SNTG2: variants seen among roughly 807,000 people sequenced by gnomAD.
SNTG2 encodes gamma-2-syntrophin.
In SNTG2, 74 loss-of-function variants were observed where a neutral mutation model predicts 70.9. That is an observed-to-expected ratio of 1.04 (90% CI 0.86 to 1.27). The LOEUF (loss-of-function observed/expected upper bound fraction) is 1.27, where lower values mean the gene tolerates loss of function less well. Among genes scored for constraint, SNTG2 ranks in the 50% most tolerant of loss-of-function variants. SNTG2 has a pLI of 0.00. For synonymous variants in SNTG2, 278 were observed against 273.8 expected (o/e 1.02, Z -0.15); for missense variants, 717 against 690.7 (o/e 1.04, Z -0.43).
chr2:1,017,608 G>T (rs11894899), intron 1 of SNTG2, among the ~76,000 whole-genome samples: 14,267 of 152,228 alleles, frequency 0.094, 772 homozygotes, highest in Middle Eastern at 0.14. Context: ...TATGGTGTAG[G>T]TTAAAATTGT....
At chr2:1,185,216 C>A (rs1037687350) in intron 8 of SNTG2, among the ~76,000 whole-genome samples, 2 of 152,212 alleles carry the variant, frequency 1.3e-5, no homozygotes, top group Non-Finnish European at 2.9e-5. Context: ...AGGCCTTGGG[C>A]AGCCCCACTG....
At chr2:1,113,367 CA>C in intron 4 of SNTG2, among the ~76,000 whole-genome samples, 1 of 152,076 alleles carries the variant, frequency 6.6e-6, no homozygotes, top group East Asian at 1.9e-4. Flanking sequence ...TTAACCCTTA[CA>C]GTGTTTTGAA....
intron 6 of SNTG2, among the ~76,000 whole-genome samples, chr2:1,138,618 G>GAC (rs1166776418): frequency 6.6e-6 from 1 of 152,092 alleles, no homozygotes; most frequent in Admixed American, 6.5e-5. Context: ...TGACCTGGGG[G>GAC]ACACAGGGTC....
intron 7 of SNTG2, among the ~76,000 whole-genome samples, chr2:1,166,994 C>G (rs964952092): frequency 1.3e-5 from 2 of 152,222 alleles, no homozygotes; most frequent in Non-Finnish European, 2.9e-5. Flanking sequence ...TACCAACACT[C>G]CATAAAACCT....
At chr2:1,245,858 T>A (rs1677391894) in intron 11 of SNTG2, among the ~76,000 whole-genome samples, 1 of 152,208 alleles carries the variant, frequency 6.6e-6, no homozygotes, top group African/African-American at 2.4e-5. Context: ...GGGATTCCTA[T>A]GGGACACTGT....
chr2:1,208,586 G>C (rs1049610703), intron 8 of SNTG2, among the ~76,000 whole-genome samples: 3 of 152,150 alleles, frequency 2.0e-5, no homozygotes, highest in African/African-American at 7.2e-5. Flanking sequence ...TTCCTGTCGA[G>C]AGCCGCAGAC....
intron 1 of SNTG2, among the ~76,000 whole-genome samples, chr2:1,053,898 C>T (rs540874576): frequency 6.6e-6 from 1 of 152,004 alleles, no homozygotes; most frequent in South Asian, 2.1e-4. Flanking sequence ...CCCTTCCTCC[C>T]TCCCTCCCTT....
At chr2:1,315,604 C>CT (rs986333725) in intron 15 of SNTG2, among the ~76,000 whole-genome samples, 1 of 151,908 alleles carries the variant, frequency 6.6e-6, no homozygotes, top group Non-Finnish European at 1.5e-5. Context: ...TTGCTGCAGC[C>CT]TTTTTTATTT....
intron 4 of SNTG2, among the ~76,000 whole-genome samples, chr2:1,134,835 G>T (rs1435135044): frequency 6.6e-6 from 1 of 152,164 alleles, no homozygotes; most frequent in East Asian, 1.9e-4. Context: ...GGAGGCTCAG[G>T]CATGGCGGGC....
chr2:1,045,347 C>T (rs928665538), intron 1 of SNTG2, among the ~76,000 whole-genome samples: 1 of 151,756 alleles, frequency 6.6e-6, no homozygotes, highest in East Asian at 1.9e-4. Context: ...CTTTTGGTTT[C>T]GTTCATCTCC....
At chr2:1,052,197 A>G (rs947947361) in intron 1 of SNTG2, among the ~76,000 whole-genome samples, 8 of 152,152 alleles carry the variant, frequency 5.3e-5, no homozygotes, top group African/African-American at 2.4e-5. Context: ...AAAAGTTTGT[A>G]TAGTATCCAT....
intron 2 of SNTG2, among the ~76,000 whole-genome samples, chr2:1,092,247 TAGAG>T (rs200804037): frequency 1.5e-5 from 2 of 134,032 alleles, no homozygotes; most frequent in Non-Finnish European, 3.4e-5. Context: ...GCCCTTCAAT[TAGAG>T]AGAGAAAAAA....
chr2:1,164,028 G>A (rs1040284990), intron 6 of SNTG2, among the ~76,000 whole-genome samples: 9 of 152,228 alleles, frequency 5.9e-5, no homozygotes, highest in Non-Finnish European at 7.3e-5. Context: ...AGGCAATGAC[G>A]GGCATGGAAA....
At chr2:1,236,845 A>T (rs538957389) in intron 9 of SNTG2, among the ~76,000 whole-genome samples, 13 of 152,298 alleles carry the variant, frequency 8.5e-5, no homozygotes, top group South Asian at 4.2e-4. Context: ...TTATTTTTTT[A>T]AAAAAATATG....
chr2:1,012,615 G>C (rs1309240491), intron 1 of SNTG2, among the ~76,000 whole-genome samples: 1 of 85,134 alleles, frequency 1.2e-5, no homozygotes, highest in African/African-American at 3.6e-5. Context: ...GGTCTGGAAA[G>C]GGATTTATAA....
intron 1 of SNTG2, among the ~76,000 whole-genome samples, chr2:967,599 A>T (rs546179475): frequency 1.3e-5 from 2 of 152,224 alleles, no homozygotes; most frequent in African/African-American, 2.4e-5. Context: ...ACTAGATTCA[A>T]TTTGCTGTAT....
intron 1 of SNTG2, among the ~76,000 whole-genome samples, chr2:1,025,754 A>G (rs537518709): frequency 9.2e-5 from 14 of 152,048 alleles, no homozygotes; most frequent in Admixed American, 9.2e-4. Flanking sequence ...ATCCGGGATG[A>G]CCCCCATCTC....
At chr2:1,332,628 A>C (rs1438915160) in intron 16 of SNTG2, among the ~76,000 whole-genome samples, 2 of 152,254 alleles carry the variant, frequency 1.3e-5, no homozygotes, top group Non-Finnish European at 2.9e-5. Flanking sequence ...AATGGGTTTC[A>C]TACTGAGGAT....
chr2:1,083,543 A>G lies in SNTG2; in HGVS notation c.98A>G (p.Tyr33Cys), dbSNP rs1401605746. ...ACGAAAACCACTATTGCTCTGTTGT[A>G]TGATGAAGAGTCCGAAAATGCCTAT... ...ARTKTTIALL[Y>C]DEESENAYDI... Residue 33 changes from tyrosine (Y) to cysteine (C), a missense_variant, in exon 2 of 17, where the codon TAT (tyrosine) becomes TGT (cysteine). Coordinates refer to ENST00000308624, the MANE Select transcript of SNTG2 (RefSeq NM_018968.4). The G allele has an allele frequency of 1.4e-5, 22 of 1,613,586 alleles. No homozygotes were observed. The highest frequency in any genetic ancestry group is 1.6e-5 in the Non-Finnish European group (19 of 1,179,704).
Sources: gnomAD v4.1 joint callset for allele counts (sites outside exome capture counted in the v4.1 genomes callset) on GRCh38, gnomAD v4.1.1 for gene constraint, MANE v1.5 for transcripts, NCBI Gene and HGNC (gene_info 2026-07-23, HGNC 2026-07-21) for gene names.